The following ZNF18 variants were observed in gnomAD, a reference collection of about 807,000 sequenced individuals.
The protein encoded by ZNF18 is zinc finger protein 18.
In ZNF18, 42 loss-of-function variants were observed where a neutral mutation model predicts 58.1. That is an observed-to-expected ratio of 0.72 (90% confidence interval 0.56 to 0.93). The LOEUF (loss-of-function observed/expected upper bound fraction) is 0.93, where lower values mean the gene tolerates loss of function less well. Among genes scored for constraint, ZNF18 ranks in the 40% least tolerant of loss-of-function variants. The pLI is 0.00. For synonymous variants in ZNF18, 231 were observed against 239.8 expected, an observed-to-expected ratio of 0.96 and a Z score of 0.34; for missense variants, 540 against 644.2, an observed-to-expected ratio of 0.84 and a Z score of 1.75.
chr17:12,019,648 C>T, the ZNF18 span, among the ~76,000 whole-genome samples: 5 of 152,216 alleles, frequency 3.3e-5, no homozygotes, highest in African/African-American at 4.8e-5. Context: ...TTGATGTTTA[C>T]GGCTAGCCAC....
At chr17:12,018,843 T>C in the ZNF18 span, among the ~76,000 whole-genome samples, 1 of 151,982 alleles carries the variant, frequency 6.6e-6, no homozygotes, top group South Asian at 2.1e-4. Context: ...TTCTTAAAAA[T>C]AAGATTAGTT....
chr17:11,992,993 G>A (rs1003129842), intron 1 of ZNF18, 82 bp from the exon 2 acceptor site: 9 of 767,430 alleles, frequency 1.2e-5, no homozygotes, highest in Admixed American at 8.8e-5. Flanking sequence ...CCCTACCCGA[G>A]AAGCCATGGG....
intron 2 of ZNF18, among the ~76,000 whole-genome samples, chr17:11,991,381 A>C (rs2151483254): frequency 6.6e-6 from 1 of 152,356 alleles, no homozygotes; most frequent in East Asian, 1.9e-4. Context: ...GAGACCTTCA[A>C]GACATGCCAC....
In ZNF18 at chr17:11,978,304, A is replaced by G. The variant is rs1361197013; in HGVS notation, c.1303T>C (p.Tyr435His). 1 of 1,603,394 alleles carries G rather than the reference A, an allele frequency of 6.2e-7. No individual in the cohort carries two copies. The highest frequency in any genetic ancestry group is 1.7e-5 in the Admixed American group (1 of 57,584). ...TTTTTGCAGATGGTGCACTGAAAGT[A>G]TGTCTCTCCGGTGTGAGTTCTTTGG... is the stretch of plus-strand genomic sequence containing the variant. ...FHQRTHTGET[Y>H]FQCTICKKAF... Residue 435 changes from tyrosine to histidine, a missense_variant, in exon 7 of 7, where the codon TAC becomes CAC. Coordinates refer to ENST00000580306, the MANE Select transcript of ZNF18 (RefSeq NM_001303281.2).
intron 6 of ZNF18, among the ~76,000 whole-genome samples, chr17:11,983,056 A>G (rs1967478488): frequency 1.3e-5 from 2 of 152,354 alleles, no homozygotes; most frequent in South Asian, 2.1e-4. Context: ...AGACAAGATT[A>G]AAGGCAGCAG....
intron 4 of ZNF18, among the ~76,000 whole-genome samples, chr17:11,989,090 C>A (rs58426384): frequency 6.6e-6 from 1 of 151,218 alleles, no homozygotes; most frequent in African/African-American, 2.4e-5. Flanking sequence ...ACCAAGAAGT[C>A]GGAGGTTGTA....
intron 4 of ZNF18, among the ~76,000 whole-genome samples, chr17:11,988,205 A>G (rs571922770): frequency 6.6e-6 from 1 of 152,248 alleles, no homozygotes; most frequent in Non-Finnish European, 1.5e-5. Context: ...AACAACTAAA[A>G]ATGGGACAAA....
At chr17:12,019,922 C>T in the ZNF18 span, among the ~76,000 whole-genome samples, 2 of 152,174 alleles carry the variant, frequency 1.3e-5, no homozygotes, top group Admixed American at 1.3e-4. Context: ...GCTGCCTGGC[C>T]AGAAACCCAT....
intron 6 of ZNF18, among the ~76,000 whole-genome samples, chr17:11,982,126 G>A (rs1967403214): frequency 1.3e-5 from 2 of 152,052 alleles, no homozygotes; most frequent in Admixed American, 6.5e-5. Context: ...AGAAAAGCGA[G>A]GTCAGCAAAC....
chr17:11,983,772 G>A (rs1172173586), intron 5 of ZNF18, among the ~76,000 whole-genome samples: 1 of 152,068 alleles, frequency 6.6e-6, no homozygotes, highest in Non-Finnish European at 1.5e-5. Context: ...TCATAACTCA[G>A]CCCACTTATG....
chr17:11,995,185 G>T (rs1376329205), intron 1 of ZNF18, among the ~76,000 whole-genome samples: 1 of 152,082 alleles, frequency 6.6e-6, no homozygotes, highest in African/African-American at 2.4e-5. Context: ...AAGGCAGGGG[G>T]ATCATTTGAG....
the ZNF18 span, chr17:12,021,241 C>A: frequency 3.4e-6 from 1 of 291,758 alleles, no homozygotes; most frequent in Non-Finnish European, 6.3e-6. Flanking sequence ...CCCCTGGGCC[C>A]TACCGGGCTC....
chr17:12,011,214 G>A, the ZNF18 span: 1 of 518,244 alleles, frequency 1.9e-6, no homozygotes, highest in Non-Finnish European at 3.5e-6. Context: ...CTTTCACTTT[G>A]TGTTCATCAT....
chr17:12,001,056 G>A (rs565873788), upstream of ZNF18, among the ~76,000 whole-genome samples: 1 of 152,252 alleles, frequency 6.6e-6, no homozygotes, highest in African/African-American at 2.4e-5. Context: ...GGAGAAAAGT[G>A]ACAATTACTG....
At chr17:12,009,168 G>A in the ZNF18 span, 7 of 152,120 alleles carry the variant, frequency 4.6e-5, no homozygotes. Context: ...AGAATCCACT[G>A]AATTATCTTA....
intron 5 of ZNF18, among the ~76,000 whole-genome samples, chr17:11,983,863 T>C (rs918994895): frequency 5.9e-5 from 9 of 152,136 alleles, no homozygotes; most frequent in African/African-American, 2.2e-4. Context: ...ATCAATTTCA[T>C]AGATTAAAGA....
chr17:11,993,615 T>C (rs1194788917), intron 1 of ZNF18: 2 of 151,704 alleles, frequency 1.3e-5, no homozygotes, highest in Non-Finnish European at 2.9e-5. Context: ...GGTCAGGAGA[T>C]CGAAACCATC....
At chr17:12,013,719 G>T in the ZNF18 span, among the ~76,000 whole-genome samples, 55 of 152,208 alleles carry the variant, frequency 3.6e-4, no homozygotes, top group East Asian at 0.01. Context: ...AATTCCAAAT[G>T]TCAGGTAACT....
intron 4 of ZNF18, among the ~76,000 whole-genome samples, chr17:11,989,729 C>A (rs1967976124): frequency 6.6e-6 from 1 of 151,936 alleles, no homozygotes; most frequent in African/African-American, 2.4e-5. Flanking sequence ...ATGAGATTAA[C>A]AGCAGATCAG....
Sources: gnomAD v4.1 joint callset for allele counts (sites outside exome capture counted in the v4.1 genomes callset) on GRCh38, gnomAD v4.1.1 for gene constraint, MANE v1.5 for transcripts, NCBI Gene and HGNC (gene_info 2026-07-23, HGNC 2026-07-21) for gene names.